ERBB4: variants seen among roughly 807,000 people sequenced by gnomAD.
ERBB4 encodes receptor tyrosine-protein kinase erbB-4.
In ERBB4, 42 loss-of-function variants were observed where a neutral mutation model predicts 158.0. The observed-to-expected ratio is 0.27, with a 90% CI of 0.21 to 0.34. The LOEUF is 0.34. Among genes scored for constraint, ERBB4 ranks in the 10% least tolerant of loss-of-function variants. The pLI is 1.00. For missense variants in ERBB4, 1,333 were observed against 1,624.1 expected (o/e 0.82, Z 3.08); for synonymous variants, 583 against 558.7 (o/e 1.04, Z -0.61).
At chr2:212,482,058 A>G (rs1322403658) in intron 1 of ERBB4, among the ~76,000 whole-genome samples, 1 of 152,164 alleles carries the variant, frequency 6.6e-6, no homozygotes, top group Non-Finnish European at 1.5e-5. Context: ...CTGGAGATTT[A>G]CTCTTCAGTT....
At chr2:212,264,330 C>T (rs531512627) in intron 1 of ERBB4, among the ~76,000 whole-genome samples, 1 of 152,058 alleles carries the variant, frequency 6.6e-6, no homozygotes, top group South Asian at 2.1e-4. Context: ...AGGAAAAGCT[C>T]TTCATTAACA....
chr2:212,149,593 C>G (rs1295752796), intron 1 of ERBB4, among the ~76,000 whole-genome samples: 2 of 152,112 alleles, frequency 1.3e-5, no homozygotes, highest in African/African-American at 4.8e-5. Flanking sequence ...CAAATATGGT[C>G]TTATTTTTAA....
chr2:211,911,765 G>A (rs1196634278), intron 3 of ERBB4, among the ~76,000 whole-genome samples: 1 of 151,546 alleles, frequency 6.6e-6, no homozygotes, highest in Non-Finnish European at 1.5e-5. Context: ...AGAAAATGGG[G>A]AGATGATAAT....
At position 212,458,211 on chromosome 2, in the gene ERBB4, C is replaced by T. The variant is rs192531926; in HGVS notation, c.82+80238G>A. ...TGAGTGGAGCAGGAGAGAATGATTA[C>T]GACAAAAAACTGTAATATCTTTTGA... On this transcript the variant is annotated intron_variant, in intron 1 of 27. Coordinates refer to ENST00000342788, the MANE Select transcript of ERBB4 (RefSeq NM_005235.3). Among the ~76,000 whole-genome samples the T allele has an allele frequency of 4.6e-3, 699 of 151,042 alleles. 4 individuals are homozygous for T. The highest frequency in any genetic ancestry group is 0.024 in the Middle Eastern group (7 of 292).
At chr2:211,589,976 A>G (rs1401297156) in intron 19 of ERBB4, among the ~76,000 whole-genome samples, 1 of 152,214 alleles carries the variant, frequency 6.6e-6, no homozygotes, top group East Asian at 1.9e-4. Flanking sequence ...ATCTACAACT[A>G]CAGGAAGTTA....
chr2:212,115,224 C>T (rs1191963125), intron 2 of ERBB4, among the ~76,000 whole-genome samples: 1 of 151,876 alleles, frequency 6.6e-6, no homozygotes, highest in African/African-American at 2.4e-5. Flanking sequence ...ACAGTTTTCA[C>T]ATTTTATTTT....
At chr2:211,667,034 GGAA>G (rs1256712602) in intron 14 of ERBB4, among the ~76,000 whole-genome samples, 1 of 151,922 alleles carries the variant, frequency 6.6e-6, no homozygotes, top group Non-Finnish European at 1.5e-5. Flanking sequence ...GGGTCACATT[GGAA>G]GAAGAATTGT....
intron 20 of ERBB4, among the ~76,000 whole-genome samples, chr2:211,507,073 A>G (rs1234438567): frequency 6.6e-6 from 1 of 152,172 alleles, no homozygotes; most frequent in African/African-American, 2.4e-5. Flanking sequence ...GAGATTAACT[A>G]TGAACATGTC....
chr2:212,033,098 C>G (rs1255740241), intron 2 of ERBB4, among the ~76,000 whole-genome samples: 1 of 151,824 alleles, frequency 6.6e-6, no homozygotes, highest in African/African-American at 2.4e-5. Context: ...ACTAGATACA[C>G]GGCAGGGAGA....
intron 2 of ERBB4, among the ~76,000 whole-genome samples, chr2:212,083,543 G>A (rs1028256714): frequency 6.6e-6 from 1 of 151,758 alleles, no homozygotes; most frequent in African/African-American, 2.4e-5. Context: ...TCAAGAGAAT[G>A]TGGGCTGGAA....
intron 2 of ERBB4, among the ~76,000 whole-genome samples, chr2:212,063,909 C>A (rs900989843): frequency 2.0e-5 from 3 of 152,086 alleles, no homozygotes; most frequent in Non-Finnish European, 4.4e-5. Context: ...CTATTAAAGA[C>A]CACTAAAGCT....
intron 3 of ERBB4, among the ~76,000 whole-genome samples, chr2:211,921,442 G>A (rs1048119773): frequency 1.3e-5 from 2 of 151,936 alleles, no homozygotes; most frequent in Non-Finnish European, 2.9e-5. Flanking sequence ...CAAAAACAAA[G>A]CCAAAGATTA....
intron 20 of ERBB4, among the ~76,000 whole-genome samples, chr2:211,432,444 C>T (rs113376965): frequency 2.9e-4 from 44 of 152,182 alleles, no homozygotes; most frequent in African/African-American, 1.0e-3. Context: ...AGTTGGGTGA[C>T]GCTGTGTGTA....
intron 1 of ERBB4, among the ~76,000 whole-genome samples, chr2:212,188,245 T>A (rs1305909020): frequency 3.4e-5 from 1 of 29,174 alleles, no homozygotes; most frequent in African/African-American, 1.4e-4. Context: ...CCCCCCCCTC[T>A]CACCCCCTCC....
At chr2:211,465,220 G>A (rs954067923) in intron 20 of ERBB4, among the ~76,000 whole-genome samples, 3 of 152,032 alleles carry the variant, frequency 2.0e-5, no homozygotes, top group Admixed American at 1.3e-4. Context: ...GAAAAACCAC[G>A]TGGAGGATTC....
chr2:212,446,358 G>A (rs2092347863), intron 1 of ERBB4, among the ~76,000 whole-genome samples: 1 of 151,356 alleles, frequency 6.6e-6, no homozygotes, highest in Non-Finnish European at 1.5e-5. Context: ...AATCTCATCA[G>A]CTGCCAGCAA....
chr2:211,786,236 A>G (rs2076160991), intron 4 of ERBB4, among the ~76,000 whole-genome samples: 1 of 152,068 alleles, frequency 6.6e-6, no homozygotes, highest in Non-Finnish European at 1.5e-5. Context: ...TGCATTTAAA[A>G]CCCTGAGAGT....
chr2:211,520,995 A>G (rs2066171640), intron 20 of ERBB4, among the ~76,000 whole-genome samples: 3 of 152,052 alleles, frequency 2.0e-5, no homozygotes, highest in South Asian at 4.1e-4. Context: ...ATCTTTTCCC[A>G]TCTGCTGGGG....
At position 211,787,964 on chromosome 2, in the gene ERBB4, C is replaced by T. The variant is rs191803805; in HGVS notation, c.556+61G>A. On this transcript the variant is annotated intron_variant, in intron 4 of 27. Coordinates refer to ENST00000342788, the MANE Select transcript of ERBB4 (RefSeq NM_005235.3). The stretch of plus-strand genomic sequence containing the variant: ...ATTAGTAATGACATAATAAGCATAA[C>T]TCATTCATCGCCACATAGGGTAGAA... The T allele has an allele frequency of 1.1e-4, 159 of 1,509,694 alleles. No homozygotes were observed. In the African/African-American group the frequency reaches 1.8e-3, roughly 17 times the overall value. The allele number at this position is 1,509,694 out of a possible 1,614,324, so 93.5% of individuals were successfully genotyped here. A position where few individuals can be genotyped will look rare whatever the true frequency, so the allele number is the denominator to read the frequency against.
Sources: allele counts gnomAD v4.1 joint callset (sites outside exome capture counted in the v4.1 genomes callset), GRCh38; gene constraint gnomAD v4.1.1; transcripts MANE v1.5; gene names NCBI Gene and HGNC (gene_info 2026-07-23, HGNC 2026-07-21).